Variants in TFCP2 observed in about 807,000 individuals in gnomAD.
TFCP2 encodes alpha-globin transcription factor CP2.
A neutral mutation model predicts 73.4 loss-of-function variants in TFCP2; 33 were observed. The observed-to-expected ratio is 0.45, with a 90% CI of 0.34 to 0.60. The LOEUF is 0.60. Among genes scored for constraint, TFCP2 ranks in the 20% least tolerant of loss-of-function variants. TFCP2 has a pLI of 0.01. For missense variants in TFCP2, 352 were observed against 604.0 expected, an observed-to-expected ratio of 0.58 and a Z score of 4.37; for synonymous variants, 193 against 211.6, an observed-to-expected ratio of 0.91 and a Z score of 0.76.
chr12:51,164,790 G>C (rs892598816), intron 1 of TFCP2, among the ~76,000 whole-genome samples: 1 of 151,774 alleles, frequency 6.6e-6, no homozygotes, highest in Non-Finnish European at 1.5e-5. Context: ...AGATAAAAGA[G>C]ACAAATTTTT....
At chr12:51,099,813 T>C (rs749827575) in intron 11 of TFCP2, 34 bp from the exon 12 acceptor site, 6 of 1,607,810 alleles carry the variant, frequency 3.7e-6, no homozygotes, top group Non-Finnish European at 5.1e-6. Context: ...TAGTCTTACA[T>C]TCTTTATGGT....
intron 14 of TFCP2, 116 bp from the exon 15 acceptor site, chr12:51,095,394 A>G: frequency 1.8e-6 from 2 of 1,102,560 alleles, no homozygotes; most frequent in Non-Finnish European, 2.7e-6. Flanking sequence ...TGGAGGTTGC[A>G]GTGAGCTGAG....
chr12:51,148,428 C>T (rs1428082039), intron 1 of TFCP2, among the ~76,000 whole-genome samples: 1 of 152,148 alleles, frequency 6.6e-6, no homozygotes, highest in Admixed American at 6.6e-5. Flanking sequence ...GGTGGCCGGG[C>T]GTGGTGGCCC....
chr12:51,132,405 A>C (rs1205236697), intron 1 of TFCP2, among the ~76,000 whole-genome samples: 1 of 110,896 alleles, frequency 9.0e-6, no homozygotes, highest in African/African-American at 3.5e-5. Context: ...GTCTCGCTCT[A>C]TCACCCAGGC....
In TFCP2 at chr12:51,142,106, A is replaced by G. The variant is rs188805973; in HGVS notation, c.123-23334T>C. Among the ~76,000 whole-genome samples the G allele has an allele frequency of 7.6e-4, 112 of 147,950 alleles. 2 individuals are homozygous for G. The highest frequency in any genetic ancestry group is 2.4e-3 in the African/African-American group (97 of 40,158). On this transcript the variant is annotated intron_variant, in intron 1 of 14. Coordinates refer to ENST00000257915, the MANE Select transcript of TFCP2 (RefSeq NM_005653.5). The stretch of plus-strand genomic sequence containing the variant: ...TAATCCCAGCTACTCAGGAGGCTGA[A>G]GCAGAAGAACTGCTTGAAATCCCCA...
rs1196268241 is a variant in TFCP2, at chr12:51,098,929, G to C, written c.1277-11C>G. ...AGATAGCATGGTAAACTGCAAAAGG[G>C]AGAGAGCAACAGCAGTCAGTACAAA... On this transcript the variant is annotated splice_polypyrimidine_tract_variant and intron_variant, in intron 12 of 14. Transcript: ENST00000257915. The C allele has an allele frequency of 6.2e-7, 1 of 1,613,742 alleles. No individual in the cohort carries two copies. Among genetic ancestry groups the C allele is most frequent in the Non-Finnish European group, 8.5e-7 (1 of 1,179,824 alleles).
chr12:51,157,822 C>A (rs1201037422), intron 1 of TFCP2, among the ~76,000 whole-genome samples: 1 of 151,516 alleles, frequency 6.6e-6, no homozygotes, highest in African/African-American at 2.4e-5. Flanking sequence ...TCCCAAGTAG[C>A]TGGGATCATA....
At chr12:51,162,202 T>C (rs1218814425) in intron 1 of TFCP2, among the ~76,000 whole-genome samples, 1 of 151,890 alleles carries the variant, frequency 6.6e-6, no homozygotes, top group Non-Finnish European at 1.5e-5. Flanking sequence ...TCCCAGCACT[T>C]TGGGAGGCTG....
At chr12:51,142,517 T>G (rs1479060827) in intron 1 of TFCP2, among the ~76,000 whole-genome samples, 1 of 152,166 alleles carries the variant, frequency 6.6e-6, no homozygotes, top group South Asian at 2.1e-4. Flanking sequence ...TTGCTCCTGA[T>G]GCAACGAAGG....
intron 1 of TFCP2, among the ~76,000 whole-genome samples, chr12:51,151,469 C>T (rs1941424029): frequency 6.6e-6 from 1 of 152,166 alleles, no homozygotes; most frequent in Non-Finnish European, 1.5e-5. Context: ...CAGAGTCTCT[C>T]CCTGTCGCCC....
chr12:51,151,429 C>T (rs1418320446), intron 1 of TFCP2, among the ~76,000 whole-genome samples: 2 of 151,980 alleles, frequency 1.3e-5, no homozygotes, highest in African/African-American at 4.8e-5. Flanking sequence ...ATTAATAAGA[C>T]CTAATTTTTT....
At chr12:51,165,937 G>A (rs145900821) in intron 1 of TFCP2, among the ~76,000 whole-genome samples, 52 of 151,930 alleles carry the variant, frequency 3.4e-4, no homozygotes, top group African/African-American at 9.2e-4. Flanking sequence ...CTTGATCCCC[G>A]GGAGTTCGAA....
intron 1 of TFCP2, among the ~76,000 whole-genome samples, chr12:51,121,287 GGC>G (rs1375699003): frequency 6.6e-6 from 1 of 151,556 alleles, no homozygotes; most frequent in Non-Finnish European, 1.5e-5. Flanking sequence ...CGGGCGCGTT[GGC>G]GCGCGCCTAG....
At chr12:51,095,453 CA>C (rs942897675) in intron 14 of TFCP2, among the ~76,000 whole-genome samples, 175 bp from the exon 15 acceptor site, 5 of 150,264 alleles carry the variant, frequency 3.3e-5, no homozygotes, top group Non-Finnish European at 7.4e-5. Flanking sequence ...AATTCTGTCT[CA>C]AAAAAAATGC....
intron 13 of TFCP2, among the ~76,000 whole-genome samples, chr12:51,098,005 ACT>A (rs1392423764): frequency 2.6e-5 from 4 of 151,776 alleles, no homozygotes; most frequent in Middle Eastern, 3.4e-3. Flanking sequence ...ACAGAGTGAG[ACT>A]CTGTCTCAAA....
chr12:51,101,766 C>A (rs1301912994), intron 11 of TFCP2, among the ~76,000 whole-genome samples, 169 bp downstream of exon 11: 1 of 152,098 alleles, frequency 6.6e-6, no homozygotes, highest in African/African-American at 2.4e-5. Flanking sequence ...ATTCCTTGGA[C>A]AAAGTGCAAG....
intron 1 of TFCP2, chr12:51,162,951 T>A (rs1284703645): frequency 6.6e-6 from 1 of 152,204 alleles, no homozygotes; most frequent in African/African-American, 2.4e-5. Flanking sequence ...TCAGAGAAGA[T>A]TAGCATGGCC....
intron 1 of TFCP2, among the ~76,000 whole-genome samples, chr12:51,146,201 G>A (rs1313053242): frequency 2.6e-5 from 4 of 151,740 alleles, no homozygotes; most frequent in African/African-American, 4.8e-5. Flanking sequence ...TCAGCTACTC[G>A]GGAGGCTAAG....
At chr12:51,124,021 T>C (rs1940742554) in intron 1 of TFCP2, among the ~76,000 whole-genome samples, 1 of 152,168 alleles carries the variant, frequency 6.6e-6, no homozygotes, top group African/African-American at 2.4e-5. Flanking sequence ...AGCATGATAA[T>C]GAAGTTCCCT....
Sources: allele counts gnomAD v4.1 joint callset (sites outside exome capture counted in the v4.1 genomes callset), GRCh38; gene constraint gnomAD v4.1.1; transcripts MANE v1.5; gene names NCBI Gene and HGNC (gene_info 2026-07-23, HGNC 2026-07-21).